The following CTNNA2 variants were observed in gnomAD, a reference collection of about 807,000 sequenced individuals.
CTNNA2 encodes the protein catenin alpha-2.
Under a neutral mutation model 101.0 loss-of-function variants are expected in CTNNA2, and 42 were observed. The ratio of observed to expected loss-of-function variants is 0.42; its 90% confidence interval spans 0.32 to 0.54. CTNNA2 has a LOEUF of 0.54. CTNNA2 is among the 20% of genes least tolerant of loss of function. CTNNA2 has a pLI of 0.14. For synonymous variants in CTNNA2, 450 were observed against 456.4 expected (o/e 0.99, Z 0.18); for missense variants, 871 against 1,223.1 (o/e 0.71, Z 4.29).
intron 2 of CTNNA2, among the ~76,000 whole-genome samples, chr2:79,702,827 T>C (rs1685102531): frequency 6.6e-6 from 1 of 152,180 alleles, no homozygotes; most frequent in South Asian, 2.1e-4. Flanking sequence ...TTCACTATTA[T>C]CCATTTTAGA....
intron 8 of CTNNA2, among the ~76,000 whole-genome samples, chr2:80,416,335 T>G (rs1680045620): frequency 6.6e-6 from 1 of 152,200 alleles, no homozygotes; most frequent in Non-Finnish European, 1.5e-5. Context: ...GTTATACACT[T>G]TAAATATATA....
intron 9 of CTNNA2, among the ~76,000 whole-genome samples, chr2:80,526,037 T>TA (rs947006216): frequency 1.3e-5 from 2 of 152,248 alleles, no homozygotes; most frequent in East Asian, 1.9e-4. Context: ...ATCTGAAAAA[T>TA]AAAAAAATCT....
Position 79,663,378 on chromosome 2 carries a change from A to G in CTNNA2, c.102+11720A>G, listed in dbSNP as rs148555952. On this transcript the variant is annotated intron_variant, in intron 2 of 18. Coordinates refer to ENST00000402739, the MANE Select transcript of CTNNA2 (RefSeq NM_001282597.3). The stretch of plus-strand genomic sequence containing the variant: ...CATTGCATTTGAGGATGAAATTAAC[A>G]CTCCTAACCATGTCCTGATTTGTAC... Among the ~76,000 whole-genome samples the G allele has an allele frequency of 3.5e-3, 533 of 152,210 alleles. 4 individuals carry two copies. Among genetic ancestry groups the G allele is most frequent in the African/African-American group, 0.012 (508 of 41,540 alleles).
chr2:79,437,857 G>T (rs1012007546), intron 4 of CTNNA2, among the ~76,000 whole-genome samples: 6 of 152,126 alleles, frequency 3.9e-5, no homozygotes, highest in Non-Finnish European at 5.9e-5. Context: ...GCTGAACCAC[G>T]CAAGCTCCAT....
chr2:80,586,484 C>T (rs758199522), intron 14 of CTNNA2: 2 of 152,064 alleles, frequency 1.3e-5, no homozygotes, highest in Non-Finnish European at 2.9e-5. Context: ...AAGCATGATT[C>T]GCTCTTCTGT....
intron 2 of CTNNA2, among the ~76,000 whole-genome samples, chr2:79,199,050 C>G (rs4133535): frequency 0.16 from 24,976 of 152,136 alleles, 2,255 homozygotes; most frequent in Middle Eastern, 0.18. Context: ...AATTCACATG[C>G]CTGTCTATAG....
intron 1 of CTNNA2, among the ~76,000 whole-genome samples, chr2:79,579,386 T>C (rs890473377): frequency 3.3e-5 from 5 of 152,136 alleles, no homozygotes; most frequent in Admixed American, 1.3e-4. Context: ...TTCAAGGTTT[T>C]ATGAAGGATT....
chr2:80,286,528 A>G (rs1674780628), intron 7 of CTNNA2, among the ~76,000 whole-genome samples: 1 of 152,174 alleles, frequency 6.6e-6, no homozygotes, highest in African/African-American at 2.4e-5. Flanking sequence ...TCAAATCATC[A>G]CATGCTGTTG....
intron 4 of CTNNA2, among the ~76,000 whole-genome samples, chr2:79,427,891 G>T (rs1376623): frequency 0.32 from 48,220 of 151,496 alleles, 7,744 homozygotes; most frequent in South Asian, 0.44. Flanking sequence ...ATAATTTTGT[G>T]GAGTAATAAA....
intron 7 of CTNNA2, among the ~76,000 whole-genome samples, chr2:80,342,166 A>G (rs1282542981): frequency 1.3e-5 from 2 of 152,226 alleles, no homozygotes; most frequent in Non-Finnish European, 2.9e-5. Flanking sequence ...TTTGGGGAAG[A>G]TAAAAGTGTC....
chr2:79,628,343 C>G (rs1368734939), intron 1 of CTNNA2, among the ~76,000 whole-genome samples: 2 of 151,818 alleles, frequency 1.3e-5, no homozygotes, highest in African/African-American at 4.8e-5. Flanking sequence ...ATCCTAGCTG[C>G]TCAGGAGGCT....
chr2:80,066,573 T>TA (rs1395739653), intron 7 of CTNNA2, among the ~76,000 whole-genome samples: 1 of 152,076 alleles, frequency 6.6e-6, no homozygotes, highest in Non-Finnish European at 1.5e-5. Flanking sequence ...TGGCTGTTAA[T>TA]AAAAAATGAA....
intron 7 of CTNNA2, among the ~76,000 whole-genome samples, chr2:80,340,544 AAAC>A (rs1672132445): frequency 6.6e-6 from 1 of 152,194 alleles, no homozygotes. Context: ...CATGAAAGAG[AAAC>A]AACAAGGCTA....
intron 3 of CTNNA2, among the ~76,000 whole-genome samples, chr2:79,785,886 G>T (rs556637100): frequency 2.0e-4 from 30 of 152,114 alleles, no homozygotes; most frequent in African/African-American, 6.7e-4. Context: ...AAAAATGAAA[G>T]AAATAGCCAC....
chr2:80,451,090 C>T (rs528914155), intron 9 of CTNNA2, among the ~76,000 whole-genome samples: 3 of 152,210 alleles, frequency 2.0e-5, no homozygotes, highest in African/African-American at 4.8e-5. Flanking sequence ...CCTTCTCCCC[C>T]TCCCATGTGA....
chr2:80,433,504 G>T (rs1369506428), intron 9 of CTNNA2, among the ~76,000 whole-genome samples: 1 of 152,046 alleles, frequency 6.6e-6, no homozygotes, highest in Non-Finnish European at 1.5e-5. Flanking sequence ...AGAGATTCAG[G>T]CTGTCGCCGC....
chr2:80,233,384 TGTC>T, intron 7 of CTNNA2, among the ~76,000 whole-genome samples: 1 of 152,138 alleles, frequency 6.6e-6, no homozygotes, highest in Non-Finnish European at 1.5e-5. Context: ...TTGTTTTCTC[TGTC>T]ATGGCATTTT....
intron 12 of CTNNA2, among the ~76,000 whole-genome samples, chr2:80,560,743 G>A (rs1693511086): frequency 6.6e-6 from 1 of 152,040 alleles, no homozygotes; most frequent in South Asian, 2.1e-4. Flanking sequence ...GTCTCAGTTG[G>A]AGACCACAGA....
At chr2:79,467,633 T>C (rs1043225577) in intron 4 of CTNNA2, among the ~76,000 whole-genome samples, 8 of 152,166 alleles carry the variant, frequency 5.3e-5, no homozygotes, top group African/African-American at 1.9e-4. Flanking sequence ...GAGAGAAAGG[T>C]TGGGTTACCC....
Sources: allele counts gnomAD v4.1 joint callset (sites outside exome capture counted in the v4.1 genomes callset), GRCh38; gene constraint gnomAD v4.1.1; transcripts MANE v1.5; gene names NCBI Gene and HGNC (gene_info 2026-07-23, HGNC 2026-07-21).